Variants in MAP3K13 observed in about 807,000 individuals in gnomAD.
The protein encoded by MAP3K13 is mitogen-activated protein kinase kinase kinase 13, also known as leucine zipper-bearing kinase.
MAP3K13 carries 52 observed loss-of-function variants against 104.0 expected under a neutral mutation model. The observed-to-expected ratio is 0.50, with a 90% CI of 0.40 to 0.63. The LOEUF is 0.63. Ranked by LOEUF, MAP3K13 falls within the 20% of genes least tolerant of loss-of-function variation. MAP3K13 has a pLI of 0.00. For missense variants in MAP3K13, 914 were observed against 1,218.5 expected (o/e 0.75, Z 3.72); for synonymous variants, 394 against 442.2 (o/e 0.89, Z 1.37).
intron 2 of MAP3K13, chr3:185,285,766 C>T (rs1577392633): frequency 9.6e-6 from 7 of 728,090 alleles, no homozygotes; most frequent in Non-Finnish European, 1.3e-5. Context: ...TAATCAGGAC[C>T]TTCCAAAGAG....
chr3:185,405,409 A>C (rs1425063345), intron 1 of MAP3K13, among the ~76,000 whole-genome samples: 1 of 152,250 alleles, frequency 6.6e-6, no homozygotes, highest in East Asian at 1.9e-4. Flanking sequence ...CCCAGCATTC[A>C]AAACCTTTTA....
chr3:185,296,267 A>G (rs1577400984), intron 2 of MAP3K13, among the ~76,000 whole-genome samples: 1 of 152,150 alleles, frequency 6.6e-6, no homozygotes, highest in Non-Finnish European at 1.5e-5. Context: ...AAAACCCTTC[A>G]GTTGCTTCTC....
intron 7 of MAP3K13, among the ~76,000 whole-genome samples, chr3:185,459,570 C>T (rs527949838): frequency 6.6e-6 from 1 of 152,184 alleles, no homozygotes; most frequent in South Asian, 2.1e-4. Flanking sequence ...CTGCCTCAGC[C>T]TCCCACGTAG....
intron 2 of MAP3K13, among the ~76,000 whole-genome samples, chr3:185,345,428 G>T (rs1487015263): frequency 2.0e-5 from 3 of 152,144 alleles, no homozygotes; most frequent in African/African-American, 7.2e-5. Context: ...CTGGTCTGTG[G>T]CCTATTAGGA....
At chr3:185,453,552 C>T (rs979048520) in intron 7 of MAP3K13, among the ~76,000 whole-genome samples, 17 of 151,656 alleles carry the variant, frequency 1.1e-4, no homozygotes, top group Admixed American at 6.6e-5. Flanking sequence ...GGGCAGATCA[C>T]GAGGTCAAGA....
rs573857260 is a variant in MAP3K13, at chr3:185,443,085, C to T, written c.660-360C>T. On this transcript the variant is annotated intron_variant, in intron 3 of 13. Coordinates refer to ENST00000265026, the MANE Select transcript of MAP3K13 (RefSeq NM_004721.5). ...TGAACTCCTGACCCTGTGATCCACC[C>T]GCCTTGGCCTCCCAAATTATTCTTA... Among the ~76,000 whole-genome samples the T allele has an allele frequency of 5.3e-4, 80 of 152,218 alleles. 1 individual carries two copies. Among genetic ancestry groups the T allele is most frequent in the Non-Finnish European group, 5.1e-4 (35 of 68,010 alleles).
At chr3:185,364,831 T>C (rs1431442671) in intron 1 of MAP3K13, among the ~76,000 whole-genome samples, 1 of 152,192 alleles carries the variant, frequency 6.6e-6, no homozygotes. Flanking sequence ...ATTTTCTGGG[T>C]TTAACAAATG....
At chr3:185,441,552 A>G (rs1258390168) in intron 3 of MAP3K13, among the ~76,000 whole-genome samples, 2 of 152,188 alleles carry the variant, frequency 1.3e-5, no homozygotes, top group Non-Finnish European at 2.9e-5. Flanking sequence ...GAATAATTGG[A>G]AAAGGTTTTC....
At chr3:185,461,011 C>A (rs1278151864) in intron 7 of MAP3K13, among the ~76,000 whole-genome samples, 1 of 152,160 alleles carries the variant, frequency 6.6e-6, no homozygotes, top group Non-Finnish European at 1.5e-5. Flanking sequence ...ACAAATCTGA[C>A]CCTCTTATTC....
chr3:185,485,176 A>G lies in MAP3K13; in HGVS notation c.*2720A>G, dbSNP rs1718659129. The G allele has an allele frequency of 6.6e-6, 1 of 152,178 alleles. No homozygotes were observed. The allele number at this position is 152,178 out of a possible 1,614,324, so 9.4% of individuals were successfully genotyped here. ...GGGACTATATTAGAAATAAAAAGAG[A>G]ATGATTTAATGTCCTGAGAGGAACA... On this transcript the variant is annotated 3_prime_UTR_variant, in exon 14 of 14. Transcript: ENST00000265026.
intron 1 of MAP3K13, among the ~76,000 whole-genome samples, chr3:185,374,360 G>A (rs932613770): frequency 1.3e-5 from 2 of 152,134 alleles, no homozygotes; most frequent in African/African-American, 4.8e-5. Context: ...TGCTTCGAGC[G>A]GGATTAGGGG....
chr3:185,416,624 G>A (rs952641963), intron 1 of MAP3K13, among the ~76,000 whole-genome samples: 8 of 152,000 alleles, frequency 5.3e-5, no homozygotes, highest in African/African-American at 1.9e-4. Flanking sequence ...TAACTTTAAA[G>A]TGTATATAAT....
At chr3:185,311,486 G>A (rs1345823178) in intron 2 of MAP3K13, among the ~76,000 whole-genome samples, 1 of 152,142 alleles carries the variant, frequency 6.6e-6, no homozygotes, top group African/African-American at 2.4e-5. Flanking sequence ...TACAATTGAA[G>A]TTGAGATTTG....
intron 2 of MAP3K13, among the ~76,000 whole-genome samples, chr3:185,322,146 A>G (rs187021092): frequency 2.9e-4 from 44 of 152,310 alleles, no homozygotes; most frequent in Non-Finnish European, 5.4e-4. Context: ...TATAAAGTTG[A>G]TACTACAGAA....
intron 1 of MAP3K13, among the ~76,000 whole-genome samples, chr3:185,377,990 T>C (rs1206749601): frequency 6.6e-6 from 1 of 151,042 alleles, no homozygotes; most frequent in Non-Finnish European, 1.5e-5. Flanking sequence ...CCGGCACTTG[T>C]AGCAAGCTCC....
At chr3:185,455,956 A>G (rs1716712004) in intron 7 of MAP3K13, among the ~76,000 whole-genome samples, 1 of 145,496 alleles carries the variant, frequency 6.9e-6, no homozygotes, top group Admixed American at 7.1e-5. Context: ...TATGATGTAT[A>G]TATATGATAT....
intron 1 of MAP3K13, among the ~76,000 whole-genome samples, chr3:185,375,642 C>T (rs577056199): frequency 1.2e-4 from 18 of 152,168 alleles, no homozygotes; most frequent in Non-Finnish European, 1.3e-4. Context: ...GAAAAACTGC[C>T]GTGAGGGATA....
At chr3:185,341,112 C>T (rs530260135) in intron 2 of MAP3K13, among the ~76,000 whole-genome samples, 1 of 152,158 alleles carries the variant, frequency 6.6e-6, no homozygotes, top group East Asian at 1.9e-4. Flanking sequence ...AATAGTGTCC[C>T]CCCAAAATTC....
chr3:185,475,219 T>TA (rs1718048697), intron 11 of MAP3K13, among the ~76,000 whole-genome samples: 1 of 151,974 alleles, frequency 6.6e-6, no homozygotes, highest in African/African-American at 2.4e-5. Context: ...ACTACATGCA[T>TA]AAATACATAT....
Sources: allele counts gnomAD v4.1 joint callset (sites outside exome capture counted in the v4.1 genomes callset), GRCh38; gene constraint gnomAD v4.1.1; transcripts MANE v1.5; gene names NCBI Gene and HGNC (gene_info 2026-07-23, HGNC 2026-07-21).